PCNA: variants seen among roughly 807,000 people sequenced by gnomAD.
PCNA encodes the protein DNA sliding clamp PCNA.
A neutral mutation model predicts 27.8 loss-of-function variants in PCNA; 4 were observed. The ratio of observed to expected loss-of-function variants is 0.14; its 90% CI spans 0.07 to 0.33. The LOEUF (loss-of-function observed/expected upper bound fraction) is 0.33. Among genes scored for constraint, PCNA ranks in the 10% least tolerant of loss-of-function variants. The pLI is 1.00. For missense variants in PCNA, 165 were observed against 327.4 expected (o/e 0.50, Z 3.83); for synonymous variants, 121 against 119.4 (o/e 1.01, Z -0.09).
At chr20:5,119,479 G>A in intron 1 of PCNA, 99 bp downstream of exon 1, 1 of 954,616 alleles carries the variant, frequency 1.0e-6, no homozygotes, top group South Asian at 1.6e-5. Flanking sequence ...GGCGCGGATG[G>A]CCCACGCCAG....
At chr20:5,122,193 G>A (rs1323550226), upstream of PCNA, among the ~76,000 whole-genome samples, 1 of 152,022 alleles carries the variant, frequency 6.6e-6, no homozygotes, top group African/African-American at 2.4e-5. Context: ...TGTTGGCCAG[G>A]TTGGTCTTGA....
intron 4 of PCNA, among the ~76,000 whole-genome samples, chr20:5,116,050 C>G (rs531020502): frequency 6.6e-6 from 1 of 152,264 alleles, no homozygotes; most frequent in East Asian, 1.9e-4. Flanking sequence ...GTAGGACACA[C>G]AGGGTAGAGG....
intron 1 of PCNA, among the ~76,000 whole-genome samples, chr20:5,125,129 A>G (rs920357732): frequency 6.6e-6 from 1 of 152,212 alleles, no homozygotes; most frequent in African/African-American, 2.4e-5. Context: ...GCTCGAGCCC[A>G]GGAGTTTAAG....
chr20:5,115,691 A>C, intron 4 of PCNA, 119 bp from the exon 5 acceptor site: 4 of 758,034 alleles, frequency 5.3e-6, no homozygotes, highest in Non-Finnish European at 8.3e-6. Context: ...GAGCTATGAA[A>C]ATTTTGAAGA....
upstream of PCNA, chr20:5,120,110 C>T (rs1293560174): frequency 1.4e-5 from 5 of 348,652 alleles, no homozygotes; most frequent in South Asian, 8.0e-5. Flanking sequence ...TTGGAGGAAG[C>T]GGGCGCAGGG....
intron 1 of PCNA, among the ~76,000 whole-genome samples, chr20:5,125,520 A>AT (rs1440950264): frequency 3.9e-5 from 6 of 152,310 alleles, no homozygotes; most frequent in Admixed American, 3.3e-4. Flanking sequence ...GTAAAATTAT[A>AT]TTTTTTTAAA....
upstream of PCNA, among the ~76,000 whole-genome samples, chr20:5,123,247 G>C (rs573507485): frequency 6.6e-6 from 1 of 152,192 alleles, no homozygotes; most frequent in Admixed American, 6.5e-5. Flanking sequence ...AAGTGCAAGG[G>C]AATGTGGTCA....
At chr20:5,118,041 A>C (rs577017072) in intron 3 of PCNA, among the ~76,000 whole-genome samples, 2 of 152,216 alleles carry the variant, frequency 1.3e-5, no homozygotes, top group Admixed American at 6.5e-5. Context: ...AACCTGGATA[A>C]ATTTCTTCCA....
At chr20:5,121,708 C>G (rs746511220), upstream of PCNA, among the ~76,000 whole-genome samples, 1 of 147,282 alleles carries the variant, frequency 6.8e-6, no homozygotes, top group Non-Finnish European at 1.5e-5. Context: ...TACTCACTGC[C>G]ACCTCCAACT....
chr20:5,121,916 TGC>T (rs1378783975), upstream of PCNA, among the ~76,000 whole-genome samples: 1 of 151,830 alleles, frequency 6.6e-6, no homozygotes, highest in Non-Finnish European at 1.5e-5. Context: ...TGAGCCACTG[TGC>T]CCAGCCTCAA....
At chr20:5,117,745 C>T (rs3730428) in intron 3 of PCNA, 81 bp from the exon 4 acceptor site, 101,134 of 745,650 alleles carry the variant, frequency 0.14, 12,804 homozygotes, top group African/African-American at 0.55. Flanking sequence ...AAAGGCAACA[C>T]CTAAACAACT....
chr20:5,120,609 A>T (rs1263497284), upstream of PCNA, among the ~76,000 whole-genome samples: 2 of 152,094 alleles, frequency 1.3e-5, no homozygotes, highest in Admixed American at 6.6e-5. Context: ...AATAAAGTAC[A>T]TTTAATTTTA....
upstream of PCNA, among the ~76,000 whole-genome samples, chr20:5,120,267 T>C (rs879348681): frequency 6.6e-6 from 1 of 152,162 alleles, no homozygotes; most frequent in Non-Finnish European, 1.5e-5. Context: ...ACTACGTGGG[T>C]AGAAAGTTTC....
upstream of PCNA, among the ~76,000 whole-genome samples, chr20:5,124,443 C>G (rs959694286): frequency 6.6e-6 from 1 of 152,014 alleles, no homozygotes; most frequent in Non-Finnish European, 1.5e-5. Context: ...CAAAACCAGC[C>G]TGACCTAAAA....
At chr20:5,120,344 AAG>A (rs397724373), upstream of PCNA, among the ~76,000 whole-genome samples, 23,469 of 152,198 alleles carry the variant, frequency 0.15, 2,538 homozygotes, top group African/African-American at 0.3. Context: ...TTGCAGCCTG[AAG>A]AGAGTACAGC....
upstream of PCNA, chr20:5,121,424 A>C (rs1314580834): frequency 8.2e-6 from 1 of 122,452 alleles, no homozygotes; most frequent in African/African-American, 3.2e-5. Flanking sequence ...TTCAGCTGTG[A>C]CTCCATACAA....
At chr20:5,119,556 T>C (rs755321534) in intron 1 of PCNA, 22 bp downstream of exon 1, 12 of 1,597,218 alleles carry the variant, frequency 7.5e-6, no homozygotes, top group Non-Finnish European at 3.4e-6. Context: ...CGGGGCCGGC[T>C]TCCCGGGGCC....
upstream of PCNA, among the ~76,000 whole-genome samples, chr20:5,124,136 TG>T (rs1278830450): frequency 6.6e-6 from 1 of 152,202 alleles, no homozygotes; most frequent in African/African-American, 2.4e-5. Context: ...TGTTAACACC[TG>T]GTGTGTTAGG....
intron 4 of PCNA, among the ~76,000 whole-genome samples, chr20:5,115,959 C>A (rs2122894841): frequency 6.6e-6 from 1 of 152,262 alleles, no homozygotes; most frequent in South Asian, 2.1e-4. Flanking sequence ...GAGGCACACA[C>A]CACCACCTAT....
Sources: allele counts gnomAD v4.1 joint callset (sites outside exome capture counted in the v4.1 genomes callset), GRCh38; gene constraint gnomAD v4.1.1; transcripts MANE v1.5; gene names NCBI Gene and HGNC (gene_info 2026-07-23, HGNC 2026-07-21).